TSPAN8: variants seen among roughly 807,000 people sequenced by gnomAD.
TSPAN8 encodes the protein tetraspanin 8, also known as tetraspanin-8.
TSPAN8 carries 21 observed loss-of-function variants against 32.8 expected under a neutral mutation model. The ratio of observed to expected loss-of-function variants is 0.64; its 90% CI spans 0.45 to 0.92. TSPAN8 has a LOEUF of 0.92. Among genes scored for constraint, TSPAN8 ranks in the 40% least tolerant of loss-of-function variants. The pLI, the probability that TSPAN8 is intolerant of heterozygous loss-of-function variation, is 0.00. For synonymous variants in TSPAN8, 95 were observed against 94.6 expected (o/e 1.00, Z -0.03); for missense variants, 269 against 281.9 (o/e 0.95, Z 0.33).
At chr12:71,152,725 T>C (rs1872298072) in intron 2 of TSPAN8, among the ~76,000 whole-genome samples, 1 of 152,200 alleles carries the variant, frequency 6.6e-6, no homozygotes, top group Non-Finnish European at 1.5e-5. Context: ...ATTTACAAAA[T>C]TCATACACTT....
chr12:71,129,595 T>C (rs1235409728), intron 7 of TSPAN8, among the ~76,000 whole-genome samples, 181 bp from the exon 8 acceptor site: 2 of 152,194 alleles, frequency 1.3e-5, no homozygotes, highest in Non-Finnish European at 2.9e-5. Context: ...TTGTAACTGT[T>C]GTGGTTTGTT....
intron 2 of TSPAN8, among the ~76,000 whole-genome samples, chr12:71,154,356 T>TAAG (rs1872359038): frequency 6.9e-6 from 1 of 145,382 alleles, no homozygotes; most frequent in Non-Finnish European, 1.5e-5. Flanking sequence ...ATAATAATAA[T>TAAG]CAGAGCTCGC....
In TSPAN8 at chr12:71,149,451, C is replaced by T. The variant is rs117643328; in HGVS notation, c.61-5238G>A. On this transcript the variant is annotated intron_variant, in intron 2 of 8. Coordinates refer to ENST00000247829, the MANE Select transcript of TSPAN8 (RefSeq NM_004616.3). The stretch of plus-strand genomic sequence containing the variant: ...TAGTTCTGATCTACTAAGCCTCATG[C>T]GATATTGGATTTTCTGATGCTGTAA... Among the ~76,000 whole-genome samples, 441 of 151,850 alleles carry T rather than the reference C, an allele frequency of 2.9e-3. 9 individuals are homozygous for T. The East Asian group carries it at 0.051, about 18-fold the overall frequency.
At chr12:71,153,555 G>A (rs865962569) in intron 2 of TSPAN8, among the ~76,000 whole-genome samples, 5 of 152,196 alleles carry the variant, frequency 3.3e-5, no homozygotes, top group Non-Finnish European at 5.9e-5. Context: ...ATACCAGAAA[G>A]AATGCATTTG....
chr12:71,135,671 C>T (rs530000714), intron 6 of TSPAN8, among the ~76,000 whole-genome samples: 2 of 152,200 alleles, frequency 1.3e-5, no homozygotes, highest in South Asian at 2.1e-4. Context: ...GGAGAACATG[C>T]TACAACAAAC....
At chr12:71,146,237 CT>C (rs1282744982) in intron 2 of TSPAN8, among the ~76,000 whole-genome samples, 1 of 152,102 alleles carries the variant, frequency 6.6e-6, no homozygotes, top group Non-Finnish European at 1.5e-5. Flanking sequence ...ATTTCCACCC[CT>C]AACTCTTATC....
At chr12:71,157,380 T>A (rs988904008) in intron 2 of TSPAN8, 5 of 414,302 alleles carry the variant, frequency 1.2e-5, no homozygotes, top group Non-Finnish European at 1.7e-5. Context: ...TTTGCAGCAA[T>A]ATGAAAACAT....
intron 2 of TSPAN8, among the ~76,000 whole-genome samples, chr12:71,146,672 C>T (rs1179270578): frequency 1.3e-5 from 2 of 152,132 alleles, no homozygotes; most frequent in African/African-American, 4.8e-5. Context: ...CTTTCCCCTG[C>T]TTCTGGTCTC....
chr12:71,135,229 A>G (rs922129533), intron 6 of TSPAN8, among the ~76,000 whole-genome samples: 16 of 49,414 alleles, frequency 3.2e-4, no homozygotes, highest in South Asian at 8.0e-4. Context: ...GAGGAAGAAG[A>G]AGGAGGAGGA....
In TSPAN8 at chr12:71,149,727, G is replaced by A. The variant is rs144346125; in HGVS notation, c.61-5514C>T. 9.9e-3 allele frequency among the ~76,000 whole-genome samples: 1,515 copies of A among 152,330 alleles called. 27 individuals carry two copies. Among genetic ancestry groups the A allele is most frequent in the African/African-American group, 0.035 (1,456 of 41,570 alleles). On this transcript the variant is annotated intron_variant, in intron 2 of 8. Transcript: ENST00000247829. ...CCTGTTATCTTCGTAAGCTGAGGAT[G>A]TACGTCACCTCAGGACCCTGTGATA...
At chr12:71,149,286 T>G (rs1190463664) in intron 2 of TSPAN8, among the ~76,000 whole-genome samples, 2 of 151,552 alleles carry the variant, frequency 1.3e-5, no homozygotes, top group Non-Finnish European at 1.5e-5. Flanking sequence ...GAGAATTGCT[T>G]GAACCCGGCA....
intron 7 of TSPAN8, among the ~76,000 whole-genome samples, chr12:71,130,825 T>C (rs546083790): frequency 6.6e-6 from 1 of 152,166 alleles, no homozygotes; most frequent in East Asian, 1.9e-4. Context: ...GAGGGTATCT[T>C]GGCAAAAGGA....
intron 7 of TSPAN8, among the ~76,000 whole-genome samples, chr12:71,130,394 T>G (rs1442372010): frequency 6.6e-6 from 1 of 152,218 alleles, no homozygotes; most frequent in African/African-American, 2.4e-5. Flanking sequence ...TGCTACATTT[T>G]TGAAATGTAT....
chr12:71,147,059 G>A (rs1011278389), intron 2 of TSPAN8, among the ~76,000 whole-genome samples: 2 of 152,038 alleles, frequency 1.3e-5, no homozygotes, highest in Non-Finnish European at 2.9e-5. Context: ...CAGTTGGCTG[G>A]CACCTTAATC....
intron 7 of TSPAN8, among the ~76,000 whole-genome samples, chr12:71,129,724 A>G (rs1434977767): frequency 1.3e-5 from 2 of 152,136 alleles, no homozygotes; most frequent in Non-Finnish European, 2.9e-5. Context: ...GACAGATTTT[A>G]TAATTTATAC....
intron 7 of TSPAN8, among the ~76,000 whole-genome samples, chr12:71,130,944 T>C (rs1321822468): frequency 3.9e-5 from 6 of 152,214 alleles, no homozygotes; most frequent in African/African-American, 9.6e-5. Context: ...TTTACAACCT[T>C]CCTTTTGGGA....
chr12:71,148,591 T>A (rs909669069), intron 2 of TSPAN8, among the ~76,000 whole-genome samples: 4 of 152,214 alleles, frequency 2.6e-5, no homozygotes, highest in African/African-American at 9.6e-5. Context: ...TTGATTATTA[T>A]TTGTGTTCCA....
intron 6 of TSPAN8, among the ~76,000 whole-genome samples, chr12:71,134,645 C>A: frequency 6.6e-6 from 1 of 152,176 alleles, no homozygotes; most frequent in East Asian, 1.9e-4. Context: ...ATTGTTTATT[C>A]TTTCTGATTA....
chr12:71,133,754 T>G (rs890611846), intron 6 of TSPAN8, among the ~76,000 whole-genome samples: 1 of 152,154 alleles, frequency 6.6e-6, no homozygotes, highest in African/African-American at 2.4e-5. Flanking sequence ...TGCAGCCACA[T>G]TTGAGGAAGA....
Sources: gnomAD v4.1 joint callset for allele counts (sites outside exome capture counted in the v4.1 genomes callset) on GRCh38, gnomAD v4.1.1 for gene constraint, MANE v1.5 for transcripts, NCBI Gene and HGNC (gene_info 2026-07-23, HGNC 2026-07-21) for gene names.